Variants in ASH2L observed in about 807,000 individuals in gnomAD.
ASH2L encodes set1/Ash2 histone methyltransferase complex subunit ASH2.
ASH2L carries 30 observed loss-of-function variants against 81.1 expected under a neutral mutation model. That is an observed-to-expected ratio of 0.37 (90% CI 0.28 to 0.50). The LOEUF is 0.50. Among genes scored for constraint, ASH2L ranks in the 20% least tolerant of loss-of-function variants. ASH2L has a pLI of 0.95. For synonymous variants in ASH2L, 273 were observed against 279.9 expected (o/e 0.98, Z 0.24); for missense variants, 559 against 792.1 (o/e 0.71, Z 3.53).
chr8:38,106,102 C>T (rs1243893519), intron 1 of ASH2L: 1 of 1,525,754 alleles, frequency 6.6e-7, no homozygotes, highest in Non-Finnish European at 8.8e-7. Context: ...GGAGAGCTGC[C>T]TCTCTTTGAA....
intron 12 of ASH2L, among the ~76,000 whole-genome samples, chr8:38,133,001 C>A (rs944047660): frequency 1.4e-4 from 22 of 151,786 alleles, no homozygotes; most frequent in African/African-American, 5.3e-4. Context: ...GCAGGAGAAT[C>A]GCTTGAACCC....
Position 38,133,449 on chromosome 8 carries a change from T to C in ASH2L, c.1528-5T>C. 2.5e-6 allele frequency: 4 copies of C among 1,599,418 alleles called. No homozygotes were observed. The highest frequency in any genetic ancestry group is 3.4e-6 in the Non-Finnish European group (4 of 1,176,380). ...TGTGCCTTTTTTTCTTTCTTGGTTT[T>C]CAAGGCTTTGATAAAATTCAAGAGT... On this transcript the variant is annotated splice_region_variant and splice_polypyrimidine_tract_variant and intron_variant, in intron 12 of 15. Transcript: ENST00000343823.
At chr8:38,111,975 G>C (rs1810700689) in intron 5 of ASH2L, among the ~76,000 whole-genome samples, 1 of 152,110 alleles carries the variant, frequency 6.6e-6, no homozygotes, top group Admixed American at 6.6e-5. Flanking sequence ...ATTACATTTA[G>C]TTGTAATGAC....
At chr8:38,106,571 G>A in intron 2 of ASH2L, 127 bp downstream of exon 2, 1 of 753,980 alleles carries the variant, frequency 1.3e-6, no homozygotes, top group Non-Finnish European at 2.1e-6. Flanking sequence ...GCAGTGGCGC[G>A]ATCTCGGCTC....
chr8:38,126,067 A>G (rs1801831345), intron 10 of ASH2L, among the ~76,000 whole-genome samples: 1 of 151,846 alleles, frequency 6.6e-6, no homozygotes, highest in Non-Finnish European at 1.5e-5. Context: ...GCCAGGCATG[A>G]TGGCAGGCAC....
At chr8:38,133,712 T>C (rs1230348380) in intron 13 of ASH2L, among the ~76,000 whole-genome samples, 166 bp downstream of exon 13, 1 of 152,172 alleles carries the variant, frequency 6.6e-6, no homozygotes, top group African/African-American at 2.4e-5. Flanking sequence ...GTTTTGCTCT[T>C]TATGTAGTAC....
intron 14 of ASH2L, among the ~76,000 whole-genome samples, chr8:38,136,693 T>G (rs577722211): frequency 4.4e-4 from 66 of 151,384 alleles, no homozygotes; most frequent in Middle Eastern, 3.4e-3. Context: ...GAGAATCACT[T>G]GAACCCAGGA....
At chr8:38,119,820 CAAAAAT>C (rs1811062535) in intron 9 of ASH2L, among the ~76,000 whole-genome samples, 1 of 150,998 alleles carries the variant, frequency 6.6e-6, no homozygotes, top group South Asian at 2.1e-4. Context: ...AAACAAAAAA[CAAAAAT>C]AATAACCCCA....
At chr8:38,123,886 G>T (rs527824400) in intron 10 of ASH2L, among the ~76,000 whole-genome samples, 1 of 152,058 alleles carries the variant, frequency 6.6e-6, no homozygotes, top group East Asian at 1.9e-4. Flanking sequence ...GTTTTTTGAG[G>T]CTAGAAGGCA....
At chr8:38,114,143 C>A in intron 5 of ASH2L, 49 bp from the exon 6 acceptor site, 2 of 1,098,754 alleles carry the variant, frequency 1.8e-6, no homozygotes, top group South Asian at 1.5e-5. Context: ...TCTTTGTCAG[C>A]ATATCTTTGA....
intron 12 of ASH2L, among the ~76,000 whole-genome samples, chr8:38,131,370 A>T (rs1802052502): frequency 6.6e-6 from 1 of 152,124 alleles, no homozygotes. Flanking sequence ...AAAAAAACAA[A>T]TTTTTTGACC....
chr8:38,134,521 C>T (rs1802180098), intron 13 of ASH2L, among the ~76,000 whole-genome samples: 1 of 152,158 alleles, frequency 6.6e-6, no homozygotes, highest in Non-Finnish European at 1.5e-5. Flanking sequence ...TCTCTGCCTC[C>T]ACTTCCGGGG....
intron 5 of ASH2L, among the ~76,000 whole-genome samples, chr8:38,112,300 C>CTTCA (rs1554497863): frequency 1.3e-5 from 2 of 151,236 alleles, no homozygotes; most frequent in Admixed American, 6.6e-5. Flanking sequence ...CACCCAGCCC[C>CTTCA]TTTATTTATT....
intron 7 of ASH2L, 100 bp from the exon 8 acceptor site, chr8:38,116,550 C>T: frequency 2.1e-6 from 2 of 936,186 alleles, no homozygotes. Context: ...AAAGAATTGT[C>T]AATTTTAGTT....
At chr8:38,131,600 C>A (rs1802058481) in intron 12 of ASH2L, among the ~76,000 whole-genome samples, 1 of 152,256 alleles carries the variant, frequency 6.6e-6, no homozygotes, top group East Asian at 1.9e-4. Context: ...GAGCCAAGAT[C>A]ATGCCAGTGA....
Position 38,138,884 on chromosome 8 carries a change from C to A in ASH2L, c.1779+9C>A, listed in dbSNP as rs779992800. ...ATCTCACTTACCGCCCTGTGAGTAACATTACAAATGGCTGCATGTGTCCTC... is the reference window on the plus strand; with the variant it reads ...ATCTCACTTACCGCCCTGTGAGTAAAATTACAAATGGCTGCATGTGTCCTC... On this transcript the variant is annotated intron_variant, in intron 15 of 15. Transcript: ENST00000343823. 6.2e-7 allele frequency: 1 copy of A among 1,614,040 alleles called. No homozygotes were observed. The highest frequency in any genetic ancestry group is 8.5e-7 in the Non-Finnish European group (1 of 1,179,930).
At chr8:38,116,319 T>C (rs1810895108) in intron 7 of ASH2L, among the ~76,000 whole-genome samples, 2 of 151,988 alleles carry the variant, frequency 1.3e-5, no homozygotes, top group South Asian at 2.1e-4. Flanking sequence ...TAAGCCGATA[T>C]CGCGCCACTG....
In ASH2L at chr8:38,110,779, A is replaced by G; in HGVS notation, c.531A>G (p.Thr177=). 2 of 1,614,054 alleles carry G rather than the reference A, an allele frequency of 1.2e-6. No homozygotes were observed. The highest frequency in any genetic ancestry group is 1.7e-6 in the Non-Finnish European group (2 of 1,179,990). Residue 177 remains threonine, a synonymous_variant, in exon 5 of 16, where the codon ACA becomes ACG. Coordinates refer to ENST00000343823, the MANE Select transcript of ASH2L (RefSeq NM_004674.5). ...EMCLSALANL[T]WQSRTQDEHP... ...GCCTTAGTGCTTTGGCCAACCTGAC[A>G]TGGCAGTCCCGAACACAGGATGAAC...
chr8:38,106,173 C>A (rs1416087317), intron 1 of ASH2L: 16 of 1,528,914 alleles, frequency 1.0e-5, no homozygotes, highest in Non-Finnish European at 1.4e-5. Flanking sequence ...TTAGGCTTCC[C>A]TGTGCTCCGT....
Sources: gnomAD v4.1 joint callset for allele counts (sites outside exome capture counted in the v4.1 genomes callset) on GRCh38, gnomAD v4.1.1 for gene constraint, MANE v1.5 for transcripts, NCBI Gene and HGNC (gene_info 2026-07-23, HGNC 2026-07-21) for gene names.